Variants in SFMBT2 observed in about 807,000 individuals in gnomAD.
SFMBT2 encodes scm-like with four MBT domains protein 2.
Under a neutral mutation model 110.1 loss-of-function variants are expected in SFMBT2, and 38 were observed. The observed-to-expected ratio is 0.35, with a 90% CI of 0.27 to 0.45. The LOEUF is 0.45. SFMBT2 is among the 20% of genes least tolerant of loss of function. SFMBT2 has a pLI of 1.00. For synonymous variants in SFMBT2, 425 were observed against 425.4 expected, an observed-to-expected ratio of 1.00 and a Z score of 0.01; for missense variants, 1,011 against 1,094.9, an observed-to-expected ratio of 0.92 and a Z score of 1.08.
chr10:7,309,064 T>C (rs1024019493), intron 4 of SFMBT2, among the ~76,000 whole-genome samples: 2 of 152,234 alleles, frequency 1.3e-5, no homozygotes, highest in African/African-American at 4.8e-5. Flanking sequence ...CCAAACATTA[T>C]TCTGGGTGCA....
At chr10:7,214,016 GC>G (rs1293867601) in intron 11 of SFMBT2, among the ~76,000 whole-genome samples, 3 of 151,840 alleles carry the variant, frequency 2.0e-5, no homozygotes, top group Admixed American at 2.0e-4. Flanking sequence ...AAGTGAGCCA[GC>G]CCTGCCACCC....
intron 11 of SFMBT2, chr10:7,215,541 G>T (rs1200786632): frequency 1.0e-6 from 1 of 985,156 alleles, no homozygotes; most frequent in Non-Finnish European, 1.2e-6. Context: ...GTACATGGGG[G>T]CTCCAGGGCA....
intron 4 of SFMBT2, among the ~76,000 whole-genome samples, chr10:7,315,806 G>C (rs895832572): frequency 6.6e-6 from 1 of 152,146 alleles, no homozygotes; most frequent in Non-Finnish European, 1.5e-5. Flanking sequence ...TCTGATCCTC[G>C]GTTTCCACAG....
chr10:7,362,558 G>C (rs1844757993), intron 4 of SFMBT2, among the ~76,000 whole-genome samples: 1 of 152,180 alleles, frequency 6.6e-6, no homozygotes, highest in East Asian at 1.9e-4. Flanking sequence ...TCGAAGATCT[G>C]GAGCTCTGCA....
At chr10:7,220,604 G>A in intron 10 of SFMBT2, 67 bp from the exon 11 acceptor site, 1 of 1,557,032 alleles carries the variant, frequency 6.4e-7, no homozygotes, top group Non-Finnish European at 8.8e-7. Flanking sequence ...GGCAGATGAA[G>A]AAAGAGAAAG....
chr10:7,401,685 C>T (rs929781796), intron 1 of SFMBT2, among the ~76,000 whole-genome samples: 5 of 152,172 alleles, frequency 3.3e-5, no homozygotes, highest in African/African-American at 9.7e-5. Flanking sequence ...TCCCCAAAAC[C>T]TCCTTCCAAA....
At chr10:7,201,113 T>C (rs964152640) in intron 13 of SFMBT2, 1 of 152,224 alleles carries the variant, frequency 6.6e-6, no homozygotes, top group Admixed American at 6.5e-5. Context: ...GGTGTCTAGG[T>C]TGGTGGCATA....
chr10:7,269,428 C>G (rs1841501770), intron 7 of SFMBT2, among the ~76,000 whole-genome samples: 1 of 152,140 alleles, frequency 6.6e-6, no homozygotes, highest in Non-Finnish European at 1.5e-5. Context: ...TAATGGGACT[C>G]ATCCCATCCA....
chr10:7,243,820 T>G, intron 8 of SFMBT2, 115 bp from the exon 9 acceptor site: 1 of 642,986 alleles, frequency 1.6e-6, no homozygotes, highest in Non-Finnish European at 2.7e-6. Context: ...TCAAAATGAT[T>G]TGAATACAAA....
chr10:7,381,965 A>G lies in SFMBT2; in HGVS notation c.-51-16T>C. 1 of 1,432,020 alleles carries G rather than the reference A, an allele frequency of 7.0e-7. No homozygotes were observed. The highest frequency in any genetic ancestry group is 9.3e-7 in the Non-Finnish European group (1 of 1,072,604). 88.7% of individuals were successfully genotyped at this position (1,432,020 alleles called of 1,614,324 possible). ...AAAAAATTACCTAAGAGCAATCAAA[A>G]AAAAAAAAATCAGAGCAGTTTAATC... On this transcript the variant is annotated splice_polypyrimidine_tract_variant and intron_variant, in intron 1 of 20. Transcript: ENST00000397167.
chr10:7,276,866 T>C lies in SFMBT2; in HGVS notation c.870+26A>G, dbSNP rs776867029. 8.2e-6 allele frequency: 7 copies of C among 854,594 alleles called. No homozygotes were observed. In the Admixed American group the frequency reaches 8.5e-5, roughly 10 times the overall value. The allele number at this position is 854,594 out of a possible 1,614,324, so 52.9% of individuals were successfully genotyped here. ...TGATTTTATTCTCAAAAAGGGTAGA[T>C]ACATTGCTAAGAATCAACATCTTAC... On this transcript the variant is annotated intron_variant, in intron 7 of 20. Transcript: ENST00000397167.
At chr10:7,282,986 CGG>C (rs565232603) in intron 6 of SFMBT2, among the ~76,000 whole-genome samples, 342 of 152,192 alleles carry the variant, frequency 2.2e-3, no homozygotes, top group Middle Eastern at 0.017. Flanking sequence ...AAGAGGAGGC[CGG>C]TAAGAGGGGT....
chr10:7,326,032 C>T (rs948043268), intron 4 of SFMBT2, among the ~76,000 whole-genome samples: 2 of 152,166 alleles, frequency 1.3e-5, no homozygotes, highest in African/African-American at 4.8e-5. Context: ...GTCCAGTATG[C>T]AACCAGAAAA....
chr10:7,346,825 A>G (rs1265395358), intron 4 of SFMBT2, among the ~76,000 whole-genome samples: 1 of 151,434 alleles, frequency 6.6e-6, no homozygotes, highest in African/African-American at 2.4e-5. Flanking sequence ...ACAAAAAAAA[A>G]AAAAAAAAAA....
rs140644414 is a variant in SFMBT2, at chr10:7,343,589, G to A, written c.436+24060C>T. Among the ~76,000 whole-genome samples, 30 of 152,106 alleles carry A rather than the reference G, an allele frequency of 2.0e-4. No individual in the cohort carries two copies. The East Asian group carries it at 5.8e-3, about 29-fold the overall frequency. ...TTTCTTAGAATAGCCACTCTGACTG[G>A]TGTGAGATGGTGTCTCGTTGTGGTT... On this transcript the variant is annotated intron_variant, in intron 4 of 20. Coordinates refer to ENST00000397167, the MANE Select transcript of SFMBT2 (RefSeq NM_001387889.1).
chr10:7,165,898 G>A (rs1408055691), intron 20 of SFMBT2, among the ~76,000 whole-genome samples: 1 of 152,242 alleles, frequency 6.6e-6, no homozygotes. Context: ...TTGGCTCTAG[G>A]TCGCGAAGAA....
intron 4 of SFMBT2, among the ~76,000 whole-genome samples, chr10:7,319,842 CAGAG>C (rs1466847969): frequency 1.8e-5 from 2 of 113,266 alleles, no homozygotes; most frequent in Non-Finnish European, 3.7e-5. Flanking sequence ...GAGAGGAAGA[CAGAG>C]AGACAGAGAG....
chr10:7,325,377 A>G (rs1049857800), intron 4 of SFMBT2, among the ~76,000 whole-genome samples: 1 of 152,194 alleles, frequency 6.6e-6, no homozygotes, highest in South Asian at 2.1e-4. Flanking sequence ...AGAATAAATG[A>G]AATAATAAAG....
At chr10:7,257,111 G>GGGAGGGGAGA (rs1177819533) in intron 7 of SFMBT2, among the ~76,000 whole-genome samples, 1 of 148,826 alleles carries the variant, frequency 6.7e-6, no homozygotes, top group Non-Finnish European at 1.5e-5. Context: ...GGGAGGGGAG[G>GGGAGGGGAGA]GGAGGGGAGG....
Sources: gnomAD v4.1 joint callset for allele counts (sites outside exome capture counted in the v4.1 genomes callset) on GRCh38, gnomAD v4.1.1 for gene constraint, MANE v1.5 for transcripts, NCBI Gene and HGNC (gene_info 2026-07-23, HGNC 2026-07-21) for gene names.